Variants in ZNG1A observed in about 807,000 individuals in gnomAD.
ZNG1A encodes the protein zinc-regulated GTPase metalloprotein activator 1A.
chr9:172,896 G>A, the ZNG1A span: 2 of 297,590 alleles, frequency 6.7e-6, no homozygotes, highest in Non-Finnish European at 1.3e-5. Context: ...AGAACATAAC[G>A]TAAGGTTTTT....
At chr9:164,018 A>T in the ZNG1A span, 1 of 1,596,812 alleles carries the variant, frequency 6.3e-7, no homozygotes, top group Non-Finnish European at 8.5e-7. Context: ...CATCAACCCA[A>T]AACATAGAAG....
the ZNG1A span, among the ~76,000 whole-genome samples, chr9:149,714 T>C: frequency 2.8e-4 from 42 of 150,450 alleles, 2 homozygotes; most frequent in African/African-American, 9.7e-4. Flanking sequence ...TGCTATGAAA[T>C]GCATAGTAGG....
the ZNG1A span, among the ~76,000 whole-genome samples, chr9:169,249 T>A: frequency 7.9e-5 from 12 of 151,302 alleles, no homozygotes; most frequent in Non-Finnish European, 1.6e-4. Flanking sequence ...CAGACTTCAA[T>A]GGAGGAAATA....
the ZNG1A span, among the ~76,000 whole-genome samples, chr9:142,050 G>C: frequency 7.0e-6 from 1 of 142,640 alleles, no homozygotes; most frequent in African/African-American, 2.7e-5. Context: ...ACCAAGTCCT[G>C]AGTGACCTAC....
the ZNG1A span, chr9:146,156 A>G: frequency 7.6e-6 from 12 of 1,572,622 alleles, no homozygotes; most frequent in Admixed American, 1.0e-4. Flanking sequence ...AGAGAGATCA[A>G]CTCTAAAAGG....
the ZNG1A span, among the ~76,000 whole-genome samples, chr9:157,232 G>C: frequency 6.9e-6 from 1 of 144,562 alleles, no homozygotes; most frequent in Admixed American, 7.0e-5. Flanking sequence ...TTTTGACACT[G>C]ACTTAGAGCC....
the ZNG1A span, among the ~76,000 whole-genome samples, chr9:139,161 A>G: frequency 2.1e-4 from 31 of 149,418 alleles, no homozygotes; most frequent in Non-Finnish European, 3.7e-4. Context: ...AATGTGGTAT[A>G]TGTAGAAAAT....
chr9:154,857 T>C, the ZNG1A span: 9 of 1,362,644 alleles, frequency 6.6e-6, no homozygotes, highest in South Asian at 1.2e-5. Flanking sequence ...TGCAGATTAA[T>C]ACATCAAAAG....
At chr9:161,569 C>T in the ZNG1A span, 1 of 1,286,360 alleles carries the variant, frequency 7.8e-7, no homozygotes, top group East Asian at 5.6e-5. Flanking sequence ...GAACTTACTG[C>T]TTTGGGCCCT....
chr9:158,958 C>A, the ZNG1A span, among the ~76,000 whole-genome samples: 1 of 151,940 alleles, frequency 6.6e-6, no homozygotes, highest in Non-Finnish European at 1.5e-5. Context: ...TCAATGTCTT[C>A]TATTCAAAAG....
chr9:128,293 C>T, the ZNG1A span, among the ~76,000 whole-genome samples: 1 of 148,808 alleles, frequency 6.7e-6, no homozygotes, highest in Non-Finnish European at 1.5e-5. Flanking sequence ...TTAGATTTCT[C>T]TTCTTCCTCA....
chr9:121,809 A>C, the ZNG1A span: 2 of 1,340,456 alleles, frequency 1.5e-6, no homozygotes, highest in Non-Finnish European at 2.0e-6. Context: ...GCTTTTACGA[A>C]CGTTGTAACG....
chr9:126,612 T>C, the ZNG1A span, among the ~76,000 whole-genome samples: 1 of 152,178 alleles, frequency 6.6e-6, no homozygotes, highest in South Asian at 2.1e-4. Flanking sequence ...TGGCTGATCT[T>C]GCTAACGGTC....
chr9:133,875 C>G, the ZNG1A span, among the ~76,000 whole-genome samples: 1 of 151,396 alleles, frequency 6.6e-6, no homozygotes, highest in Non-Finnish European at 1.5e-5. Context: ...TTCAAGCAAA[C>G]TGCAAGGCAT....
the ZNG1A span, among the ~76,000 whole-genome samples, chr9:127,659 C>G: frequency 6.6e-6 from 1 of 151,556 alleles, no homozygotes; most frequent in South Asian, 2.1e-4. Context: ...TTAAGTGGAG[C>G]ATTTAGGCCA....
chr9:141,404 A>C, the ZNG1A span, among the ~76,000 whole-genome samples: 3 of 150,050 alleles, frequency 2.0e-5, no homozygotes, highest in African/African-American at 7.4e-5. Context: ...CTGAAAGAAA[A>C]GAATTTTCGA....
At chr9:156,878 A>C in the ZNG1A span, among the ~76,000 whole-genome samples, 6 of 152,162 alleles carry the variant, frequency 3.9e-5, no homozygotes, top group African/African-American at 1.2e-4. Context: ...TTCCTTCTTA[A>C]AAAACTGTTC....
the ZNG1A span, chr9:172,048 T>A: frequency 1.1e-5 from 18 of 1,609,172 alleles, no homozygotes; most frequent in Non-Finnish European, 1.5e-5. Flanking sequence ...ATCACAGAAC[T>A]ATATTCTGGT....
chr9:167,286 G>A, the ZNG1A span: 1 of 151,064 alleles, frequency 6.6e-6, no homozygotes, highest in East Asian at 1.9e-4. Flanking sequence ...AGCAAGCATT[G>A]AAACTCAGAG....
Sources: gnomAD v4.1 joint callset for allele counts (sites outside exome capture counted in the v4.1 genomes callset) on GRCh38, gnomAD v4.1.1 for gene constraint, MANE v1.5 for transcripts, NCBI Gene and HGNC (gene_info 2026-07-23, HGNC 2026-07-21) for gene names.